Variants in FRMPD3 observed in about 807,000 individuals in gnomAD.
FRMPD3 encodes the protein FERM and PDZ domain containing 3.
In FRMPD3, 42 loss-of-function variants were observed where a neutral mutation model predicts 97.9. The ratio of observed to expected loss-of-function variants is 0.43; its 90% CI spans 0.34 to 0.55. The LOEUF (loss-of-function observed/expected upper bound fraction) is 0.55, where lower values mean the gene tolerates loss of function less well. Among genes scored for constraint, FRMPD3 ranks in the 20% least tolerant of loss-of-function variants. The pLI is 0.03. For missense variants in FRMPD3, 1,303 were observed against 1,457.7 expected (o/e 0.89, Z 1.73); for synonymous variants, 577 against 581.1 (o/e 0.99, Z 0.10).
rs191059172 is a variant in FRMPD3, at chrX:107,600,605, G to A, written c.2566G>A (p.Ala856Thr). 7.2e-4 allele frequency: 870 copies of A among 1,208,090 alleles called. 6 individuals carry two copies. In the African/African-American group the frequency reaches 0.01, roughly 14 times the overall value. The change falls in exon 15 of 15, where the codon GCT (alanine) becomes ACT (threonine). Residue 856 changes from alanine (A) to threonine (T), a missense_variant. Ala to Thr is a moderately conservative substitution (Grantham distance 58). This residue lies in a region of FRMPD3 where 764 missense variants were observed against 820.2 expected (regional missense o/e 0.93). Coordinates refer to ENST00000683843, the MANE Select transcript of FRMPD3 (RefSeq NM_001388459.1). ...AGGCCAGAGTCCTGGCCCCCCTGGC[G>A]CTCGGAGGAAGCTGCCCCAGTCAGA... ...ATGQSPGPPG[A>T]RRKLPQSEGQ...
intron 1 of FRMPD3, among the ~76,000 whole-genome samples, chrX:107,472,853 T>C (rs1172096822): frequency 8.9e-6 from 1 of 112,621 alleles, no homozygotes; most frequent in African/African-American, 3.2e-5. Context: ...CATTTCTTCC[T>C]CTGCAAAATG....
chrX:107,574,997 C>T (rs1230552163), intron 12 of FRMPD3, among the ~76,000 whole-genome samples: 1 of 112,448 alleles, frequency 8.9e-6, no homozygotes, highest in Non-Finnish European at 1.9e-5. Context: ...TTGGTCAAGC[C>T]ATAGTTAAAA....
At chrX:107,525,521 G>A (rs895983834) in intron 1 of FRMPD3, 17 of 539,719 alleles carry the variant, frequency 3.1e-5, no homozygotes, top group Middle Eastern at 3.2e-4. Context: ...TGTGGAAATC[G>A]GGAGAACAAT....
intron 1 of FRMPD3, among the ~76,000 whole-genome samples, chrX:107,501,513 C>CAT: frequency 4.2e-5 from 3 of 71,333 alleles, no homozygotes; most frequent in African/African-American, 1.3e-4. Context: ...GGACTACAGG[C>CAT]GCCCGCCACC....
chrX:107,507,094 G>C (rs971825702), intron 1 of FRMPD3, among the ~76,000 whole-genome samples: 1 of 109,971 alleles, frequency 9.1e-6, no homozygotes, highest in Non-Finnish European at 1.9e-5. Context: ...GTCGGCAGTC[G>C]AGCGCTAGGG....
At chrX:107,494,320 T>C (rs778959754) in intron 1 of FRMPD3, among the ~76,000 whole-genome samples, 1 of 112,077 alleles carries the variant, frequency 8.9e-6, no homozygotes, top group South Asian at 3.8e-4. Flanking sequence ...CTGGAAATGA[T>C]ACCACTCAGA....
At chrX:107,565,136 G>A (rs759981042) in intron 12 of FRMPD3, 70 bp downstream of exon 12, 5 of 989,471 alleles carry the variant, frequency 5.1e-6, no homozygotes, top group Non-Finnish European at 5.4e-6. Flanking sequence ...AAGTAAACTT[G>A]AGAAAGAGAA....
At chrX:107,457,395 A>G (rs1931394514) in intron 1 of FRMPD3, among the ~76,000 whole-genome samples, 1 of 111,801 alleles carries the variant, frequency 8.9e-6, no homozygotes, top group African/African-American at 3.2e-5. Context: ...AGTATATACA[A>G]TTCTGGATAG....
rs912336694 is a variant in FRMPD3 at position 107,449,794 on chromosome X, G to A, written c.-219G>A. ...CCTGCGCGCCAGCTCCCCGCGTCCC[G>A]GGCCAGCTGCTGCCGCCCTGCCAAC... On this transcript the variant is annotated 5_prime_UTR_variant, in exon 1 of 15. Coordinates refer to ENST00000683843, the MANE Select transcript of FRMPD3 (RefSeq NM_001388459.1). 9.3e-6 allele frequency among the ~76,000 whole-genome samples: 1 copy of A among 107,751 alleles called. No homozygotes were observed. The highest frequency in any genetic ancestry group is 9.6e-5 in the Admixed American group (1 of 10,376). The allele number at this position is 107,751 out of a possible 115,157, so 93.6% of individuals were successfully genotyped here.
At chrX:107,452,553 C>T (rs1485721749) in intron 1 of FRMPD3, among the ~76,000 whole-genome samples, 1 of 111,738 alleles carries the variant, frequency 8.9e-6, no homozygotes, top group Non-Finnish European at 1.9e-5. Flanking sequence ...ATATGTGAGG[C>T]ATTCTGCTGA....
chrX:107,535,501 C>T (rs1000180826), intron 4 of FRMPD3, among the ~76,000 whole-genome samples: 1 of 109,053 alleles, frequency 9.2e-6, no homozygotes, highest in African/African-American at 3.4e-5. Flanking sequence ...GAAATCCTGT[C>T]CCTACACAAA....
Position 107,526,662 on chromosome X carries a change from A to G in FRMPD3, c.74A>G (p.His25Arg). 8.3e-7 allele frequency: 1 copy of G among 1,208,919 alleles called. No individual in the cohort carries two copies. The highest frequency in any genetic ancestry group is 1.1e-6 in the Non-Finnish European group (1 of 894,495). Reference protein sequence around the residue: ...PAEILRQVTVHRDPIYGFGFV... With the variant: ...PAEILRQVTVRRDPIYGFGFV... The stretch of plus-strand genomic sequence containing the variant: ...GAGATACTGCGACAAGTGACCGTTC[A>G]CCGAGACCCTATATATGGCTTTGGC... Residue 25 changes from histidine to arginine, a missense_variant, in exon 2 of 15, where the codon CAC becomes CGC. Physicochemically the swap from His to Arg is conservative, Grantham distance 29. This residue lies in a region of FRMPD3 where 535 missense variants were observed against 618.6 expected (regional missense o/e 0.86). Transcript: ENST00000683843.
chrX:107,601,009 C>T lies in FRMPD3; in HGVS notation c.2970C>T (p.Ser990=), dbSNP rs1191227799. 3 of 1,206,557 alleles carry T rather than the reference C, an allele frequency of 2.5e-6. No individual in the cohort carries two copies. Among genetic ancestry groups the T allele is most frequent in the Non-Finnish European group, 3.4e-6 (3 of 893,250 alleles). The change falls in exon 15 of 15, where the codon AGC becomes AGT. Residue 990 remains serine, a synonymous_variant. Coordinates refer to ENST00000683843, the MANE Select transcript of FRMPD3 (RefSeq NM_001388459.1). The stretch of plus-strand genomic sequence containing the variant: ...GGGGTGAGAGAAGGCTGGAGGCCAG[C>T]ATGGGGAGGCCAGAGGTTAGCATGA... ...PSRGERRLEA[S]MGRPEVSMMS... is the part of the protein sequence containing the mutation.
chrX:107,510,711 G>A (rs1470959458), intron 1 of FRMPD3, among the ~76,000 whole-genome samples: 2 of 112,154 alleles, frequency 1.8e-5, no homozygotes, highest in East Asian at 2.8e-4. Flanking sequence ...GATGCAATTA[G>A]GCAGAATAAA....
intron 13 of FRMPD3, among the ~76,000 whole-genome samples, chrX:107,577,690 G>A (rs1381183042): frequency 9.1e-6 from 1 of 110,290 alleles, no homozygotes; most frequent in African/African-American, 3.3e-5. Flanking sequence ...ATCAGATCTC[G>A]ATCGAGGTGT....
At position 107,452,927 on chromosome X, in the gene FRMPD3, A is replaced by T. The variant is rs1030503363; in HGVS notation, c.-8+2922A>T. Among the ~76,000 whole-genome samples, 6 of 109,385 alleles carry T rather than the reference A, an allele frequency of 5.5e-5. No homozygotes were observed. In the Admixed American group the frequency reaches 5.8e-4, roughly 11 times the overall value. The allele number at this position is 109,385 out of a possible 115,157, so 95.0% of individuals were successfully genotyped here. On this transcript the variant is annotated intron_variant, in intron 1 of 14. Coordinates refer to ENST00000683843, the MANE Select transcript of FRMPD3 (RefSeq NM_001388459.1). ...GCTGGAGATGGGGGTGGGGGTGGGT[A>T]ACAGAGGAGTCTCGGGTGGGATGAG...
At chrX:107,523,176 G>A (rs1162968315) in intron 1 of FRMPD3, among the ~76,000 whole-genome samples, 1 of 111,354 alleles carries the variant, frequency 9.0e-6, no homozygotes, top group Admixed American at 9.5e-5. Flanking sequence ...CAAACCCCAG[G>A]AGGGAAGGAA....
Position 107,603,005 on chromosome X carries a change from C to T in FRMPD3, c.4966C>T (p.Leu1656=). 1 of 1,211,436 alleles carries T rather than the reference C, an allele frequency of 8.3e-7. No individual in the cohort carries two copies. Among genetic ancestry groups the T allele is most frequent in the African/African-American group, 1.7e-5 (1 of 57,997 alleles). Residue 1656 remains leucine (L), a synonymous_variant, in exon 15 of 15, where the codon CTG becomes TTG. Transcript: ENST00000683843. ...TGTGGACAAGAGCCCAACTCACATG[C>T]TGGCAGCCATCACGGGCAGCTTCCA... ...ANVDKSPTHM[L]AAITGSFQVL... is the part of the protein sequence containing the mutation.
chrX:107,503,581 C>A lies in FRMPD3; in HGVS notation c.-7-23001C>A, dbSNP rs754001094. Among the ~76,000 whole-genome samples, 4 of 112,396 alleles carry A rather than the reference C, an allele frequency of 3.6e-5. No homozygotes were observed. In the South Asian group the frequency reaches 1.5e-3, roughly 42 times the overall value. ...AATACCAGAATATCCTCAGGGCCAG[C>A]CTTACACATAGATAAACATGATGTG... On this transcript the variant is annotated intron_variant, in intron 1 of 14. Transcript: ENST00000683843.
Sources: allele counts gnomAD v4.1 joint callset (sites outside exome capture counted in the v4.1 genomes callset), GRCh38; gene constraint gnomAD v4.1.1; regional missense constraint gnomAD v4.1.1; transcripts MANE v1.5; gene names NCBI Gene and HGNC (gene_info 2026-07-23, HGNC 2026-07-21).